Variants in GLI2 observed in about 807,000 individuals in gnomAD.
GLI2 encodes the protein GLI family zinc finger 2.
In GLI2, 22 loss-of-function variants were observed where a neutral mutation model predicts 78.9. The ratio of observed to expected loss-of-function variants is 0.28; its 90% CI spans 0.20 to 0.40. The LOEUF (loss-of-function observed/expected upper bound fraction) is 0.40. GLI2 is among the 10% of genes least tolerant of loss of function. GLI2 has a pLI of 1.00. For synonymous variants in GLI2, 974 were observed against 963.7 expected (o/e 1.01, Z -0.20); for missense variants, 2,097 against 2,213.2 (o/e 0.95, Z 1.05).
chr2:120,973,324 G>GGGCC (rs1682286298), intron 8 of GLI2, among the ~76,000 whole-genome samples: 1 of 152,218 alleles, frequency 6.6e-6, no homozygotes. Context: ...GGCAAGGACA[G>GGGCC]GGCCGGCAGG....
At chr2:120,771,939 C>G (rs1683533897) in intron 1 of GLI2, among the ~76,000 whole-genome samples, 1 of 152,182 alleles carries the variant, frequency 6.6e-6, no homozygotes, top group African/African-American at 2.4e-5. Flanking sequence ...TTGTATAACT[C>G]TCTCCTGACT....
chr2:120,984,662 A>G lies in GLI2; in HGVS notation c.1824A>G (p.Pro608=). 6.2e-7 allele frequency: 1 copy of G among 1,613,914 alleles called. No homozygotes were observed. Among genetic ancestry groups the G allele is most frequent in the South Asian group, 1.1e-5 (1 of 91,074 alleles). The part of the protein sequence containing the change: ...DSEAGTEPGG[P]ESTEASSTSQ... ...AGGCCGGCACGGAGCCTGGCGGCCC[A>G]GAGAGCACCGAGGCCAGCAGCACCA... is the stretch of plus-strand genomic sequence containing the variant. Residue 608 remains proline, a synonymous_variant, in exon 12 of 14, where the codon CCA becomes CCG. Coordinates refer to ENST00000361492, the MANE Select transcript of GLI2 (RefSeq NM_001374353.1).
At chr2:120,865,088 G>A (rs984075421) in intron 2 of GLI2, among the ~76,000 whole-genome samples, 1 of 152,148 alleles carries the variant, frequency 6.6e-6, no homozygotes, top group East Asian at 1.9e-4. Context: ...TTCTGCCTGA[G>A]GCCTCATCAC....
intron 2 of GLI2, among the ~76,000 whole-genome samples, chr2:120,853,769 C>A (rs1687516246): frequency 6.6e-6 from 1 of 152,156 alleles, no homozygotes; most frequent in South Asian, 2.1e-4. Context: ...CAGGTCCCCA[C>A]CTTGGGACTT....
intron 3 of GLI2, among the ~76,000 whole-genome samples, chr2:120,944,817 T>A (rs894100885): frequency 6.6e-6 from 1 of 152,248 alleles, no homozygotes; most frequent in African/African-American, 2.4e-5. Context: ...CTTGCAGGCT[T>A]GCTGGATGTA....
chr2:120,934,774 C>T (rs907387198), intron 3 of GLI2, among the ~76,000 whole-genome samples: 9 of 152,126 alleles, frequency 5.9e-5, no homozygotes, highest in South Asian at 2.1e-4. Context: ...AGCCGGGTGT[C>T]GGTGTGCCTT....
intron 8 of GLI2, chr2:120,972,541 A>G: frequency 2.1e-6 from 1 of 467,284 alleles, no homozygotes; most frequent in South Asian, 1.5e-5. Flanking sequence ...CCACACACCC[A>G]GCCTAGCTCA....
At chr2:120,855,567 C>G (rs1262798079) in intron 2 of GLI2, among the ~76,000 whole-genome samples, 1 of 152,224 alleles carries the variant, frequency 6.6e-6, no homozygotes, top group Non-Finnish European at 1.5e-5. Flanking sequence ...AAACAGTTCC[C>G]AAAGCAGGAT....
intron 3 of GLI2, among the ~76,000 whole-genome samples, chr2:120,928,592 A>T (rs1051471989): frequency 6.6e-6 from 1 of 152,186 alleles, no homozygotes; most frequent in Admixed American, 6.5e-5. Flanking sequence ...ATGAAGGCAC[A>T]TCCTCCTTCC....
rs75191936 is a variant in GLI2, at chr2:120,961,290, T to C, written c.643+5860T>C. 8.6e-3 allele frequency among the ~76,000 whole-genome samples: 1,310 copies of C among 152,246 alleles called. 17 individuals are homozygous for C. The highest frequency in any genetic ancestry group is 0.028 in the African/African-American group (1,169 of 41,542). On this transcript the variant is annotated intron_variant, in intron 5 of 13. Coordinates refer to ENST00000361492, the MANE Select transcript of GLI2 (RefSeq NM_001374353.1). Reference sequence around the variant, plus strand: ...GGGGGGTTTTCAGAAACCAATTACATTGATCAAACCCAGAGAGGCAGGAAG... The same window carrying C: ...GGGGGGTTTTCAGAAACCAATTACACTGATCAAACCCAGAGAGGCAGGAAG...
chr2:120,967,067 G>A (rs1681893532), intron 5 of GLI2, among the ~76,000 whole-genome samples: 1 of 152,214 alleles, frequency 6.6e-6, no homozygotes, highest in Non-Finnish European at 1.5e-5. Context: ...GAGGAACGCA[G>A]TTATCATAAG....
At chr2:120,916,417 C>A (rs565095316) in intron 2 of GLI2, among the ~76,000 whole-genome samples, 1 of 152,256 alleles carries the variant, frequency 6.6e-6, no homozygotes, top group Non-Finnish European at 1.5e-5. Flanking sequence ...CATCCTCCCC[C>A]TTCCTTCTGG....
rs760408401 is a variant in GLI2 at position 120,951,379 on chromosome 2, C to T, written c.391C>T (p.Arg131Cys). Reference sequence around the variant, plus strand: ...GAACCCCCACATGGAGCACTACCTCCGTTCTGTGCACAGCAGCCCCACGCT... The same window carrying T: ...GAACCCCCACATGGAGCACTACCTCTGTTCTGTGCACAGCAGCCCCACGCT... ...YVNPHMEHYL[R>C]SVHSSPTLSM... Residue 131 changes from arginine (R) to cysteine (C), a missense_variant, in exon 4 of 14, where the codon CGT becomes TGT. Physicochemically the swap from Arg to Cys is radical, Grantham distance 180. Around this residue, in one of 5 missense-constraint regions of GLI2, gnomAD observed 578 missense variants for 612.0 expected, o/e 0.94. Transcript: ENST00000361492. 25 of 1,611,564 alleles carry T rather than the reference C, an allele frequency of 1.6e-5. No homozygotes were observed. The highest frequency in any genetic ancestry group is 6.7e-5 in the African/African-American group (5 of 74,906).
chr2:120,832,387 G>A (rs1382081627), intron 2 of GLI2, among the ~76,000 whole-genome samples: 3 of 152,162 alleles, frequency 2.0e-5, no homozygotes, highest in Non-Finnish European at 2.9e-5. Flanking sequence ...CCTGAGGCAC[G>A]GGGTGGCACC....
At chr2:120,925,340 C>T (rs1679611653) in intron 2 of GLI2, among the ~76,000 whole-genome samples, 1 of 152,156 alleles carries the variant, frequency 6.6e-6, no homozygotes, top group Non-Finnish European at 1.5e-5. Context: ...TGGAGTTGAA[C>T]ATGTAAAAAT....
intron 1 of GLI2, among the ~76,000 whole-genome samples, chr2:120,741,075 T>C (rs1403824073): frequency 1.3e-5 from 2 of 152,172 alleles, no homozygotes; most frequent in Admixed American, 1.3e-4. Context: ...TCAGTGGGCT[T>C]GGGGGAGGTG....
intron 2 of GLI2, among the ~76,000 whole-genome samples, chr2:120,880,955 T>C (rs1395639909): frequency 6.6e-6 from 1 of 152,192 alleles, no homozygotes; most frequent in Non-Finnish European, 1.5e-5. Context: ...GTGAAATTTG[T>C]CTTTCTTATT....
chr2:120,808,640 C>G (rs535530891), intron 2 of GLI2, among the ~76,000 whole-genome samples: 1 of 152,192 alleles, frequency 6.6e-6, no homozygotes, highest in African/African-American at 2.4e-5. Context: ...TGGCCCTCTA[C>G]GCCATGTTGG....
intron 2 of GLI2, among the ~76,000 whole-genome samples, chr2:120,813,506 C>T (rs978128403): frequency 6.6e-6 from 1 of 152,174 alleles, no homozygotes; most frequent in East Asian, 1.9e-4. Flanking sequence ...CTCCAGGTGT[C>T]GATTGAAACT....
Sources: gnomAD v4.1 joint callset for allele counts (sites outside exome capture counted in the v4.1 genomes callset) on GRCh38, gnomAD v4.1.1 for gene constraint, gnomAD v4.1.1 regional missense constraint, MANE v1.5 for transcripts, NCBI Gene and HGNC (gene_info 2026-07-23, HGNC 2026-07-21) for gene names.